STK32B: variants seen among roughly 807,000 people sequenced by gnomAD.
STK32B encodes serine/threonine-protein kinase 32B.
A neutral mutation model predicts 52.6 loss-of-function variants in STK32B; 43 were observed. The observed-to-expected ratio is 0.82, with a 90% CI of 0.64 to 1.05. The LOEUF is 1.05. Among genes scored for constraint, STK32B ranks in the 50% least tolerant of loss-of-function variants. The pLI is 0.00. For synonymous variants in STK32B, 238 were observed against 204.3 expected, an observed-to-expected ratio of 1.17 and a Z score of -1.41; for missense variants, 621 against 534.6, an observed-to-expected ratio of 1.16 and a Z score of -1.59.
the STK32B span, among the ~76,000 whole-genome samples, chr4:5,036,373 C>T: frequency 2.6e-5 from 4 of 152,146 alleles, no homozygotes; most frequent in Non-Finnish European, 5.9e-5. Flanking sequence ...TCATCATCCT[C>T]GACACAGCAG....
intron 10 of STK32B, 132 bp downstream of exon 10, chr4:5,466,966 A>G (rs1184012029): frequency 2.0e-5 from 24 of 1,197,980 alleles, no homozygotes; most frequent in Non-Finnish European, 2.7e-5. Context: ...TGCAGTAAAT[A>G]AAATGCTACT....
Position 5,168,398 on chromosome 4 carries a change from C to T in STK32B, c.208C>T (p.Arg70Trp), listed in dbSNP as rs371890370. 3.9e-5 allele frequency: 63 copies of T among 1,613,838 alleles called. No individual in the cohort carries two copies. In the Middle Eastern group the frequency reaches 5.0e-4, roughly 13 times the overall value. Reference protein sequence around the residue: ...IERDEVRNVFRELQIMQGLEH... With the variant: ...IERDEVRNVFWELQIMQGLEH... ...GAGGGATGAGGTTCGGAATGTTTTCCGGGAGCTGCAGATCATGCAAGGGCT... is the reference window on the plus strand; with the variant it reads ...GAGGGATGAGGTTCGGAATGTTTTCTGGGAGCTGCAGATCATGCAAGGGCT... The change falls in exon 3 of 12, where the codon CGG becomes TGG. Residue 70 changes from arginine to tryptophan, a missense_variant. By Grantham distance (101) the Arg-to-Trp change is moderately radical. Coordinates refer to ENST00000282908, the MANE Select transcript of STK32B (RefSeq NM_018401.3).
At chr4:5,102,476 CCTTCCTTCCT>C (rs1713848400) in intron 1 of STK32B, among the ~76,000 whole-genome samples, 2 of 134,516 alleles carry the variant, frequency 1.5e-5, no homozygotes, top group Non-Finnish European at 3.2e-5. Flanking sequence ...TTCCTTCCTT[CCTTCCTTCCT>C]TCCTTCCCTC....
chr4:5,312,183 C>T (rs1392989469), intron 3 of STK32B, among the ~76,000 whole-genome samples: 1 of 150,762 alleles, frequency 6.6e-6, no homozygotes, highest in Admixed American at 6.6e-5. Context: ...CTCAAGAAAT[C>T]TTTGCCATCC....
intron 4 of STK32B, among the ~76,000 whole-genome samples, chr4:5,374,773 C>CG (rs35953395): frequency 2.2e-3 from 284 of 127,158 alleles, no homozygotes; most frequent in African/African-American, 4.7e-3. Context: ...TGAATATTGA[C>CG]GGGGGCGGGG....
chr4:5,446,546 A>T, intron 6 of STK32B, 127 bp from the exon 7 acceptor site: 6 of 767,154 alleles, frequency 7.8e-6, no homozygotes, highest in South Asian at 1.8e-5. Context: ...AGCAGAGCAA[A>T]ACTCTATCTC....
chr4:5,421,022 C>T (rs534741691), intron 6 of STK32B, among the ~76,000 whole-genome samples: 3 of 152,320 alleles, frequency 2.0e-5, no homozygotes, highest in Admixed American at 2.0e-4. Context: ...GCCTCAGCCT[C>T]CCAAGTAGCT....
chr4:5,420,604 G>A (rs1007450392), intron 6 of STK32B, among the ~76,000 whole-genome samples: 7 of 152,176 alleles, frequency 4.6e-5, no homozygotes, highest in Non-Finnish European at 1.0e-4. Flanking sequence ...CTGAGATGCA[G>A]CACAGCCATG....
chr4:5,332,531 A>G (rs1732334822), intron 4 of STK32B, among the ~76,000 whole-genome samples: 1 of 152,092 alleles, frequency 6.6e-6, no homozygotes. Flanking sequence ...GTTTTAGGGT[A>G]CATTTGCACA....
chr4:5,494,224 G>C (rs942262386), intron 11 of STK32B, among the ~76,000 whole-genome samples: 1 of 152,128 alleles, frequency 6.6e-6, no homozygotes, highest in Non-Finnish European at 1.5e-5. Context: ...AAGTATCTTT[G>C]TGGGTCACTC....
intron 3 of STK32B, among the ~76,000 whole-genome samples, chr4:5,318,256 A>G (rs1731249822): frequency 6.6e-6 from 1 of 152,164 alleles, no homozygotes. Flanking sequence ...GGGCTTAGAA[A>G]AAATTTTAGG....
At chr4:5,415,503 C>A (rs1712085588) in intron 5 of STK32B, among the ~76,000 whole-genome samples, 1 of 152,168 alleles carries the variant, frequency 6.6e-6, no homozygotes, top group South Asian at 2.1e-4. Flanking sequence ...ATCGCAGCCA[C>A]AGGGAGGGGC....
chr4:5,035,248 A>C, the STK32B span, among the ~76,000 whole-genome samples: 1 of 152,252 alleles, frequency 6.6e-6, no homozygotes, highest in Non-Finnish European at 1.5e-5. Flanking sequence ...CTGCATGTAC[A>C]TTCATTGAAG....
At chr4:5,299,268 A>T (rs67647916) in intron 3 of STK32B, among the ~76,000 whole-genome samples, 20,889 of 151,788 alleles carry the variant, frequency 0.14, 2,878 homozygotes, top group African/African-American at 0.36. Context: ...CCTTCTTTTT[A>T]TCTTTTTTTA....
chr4:5,020,232 T>C, the STK32B span, among the ~76,000 whole-genome samples: 1 of 152,202 alleles, frequency 6.6e-6, no homozygotes, highest in African/African-American at 2.4e-5. Context: ...GGTAAAGGTC[T>C]AGGCTCTCCA....
At chr4:5,263,290 G>T (rs1726849178) in intron 3 of STK32B, among the ~76,000 whole-genome samples, 1 of 133,384 alleles carries the variant, frequency 7.5e-6, no homozygotes, top group Admixed American at 7.1e-5. Flanking sequence ...GTAGCATCCG[G>T]GTGTGTCTGA....
Position 5,292,478 on chromosome 4 carries a change from T to G in STK32B, c.261-38742T>G, listed in dbSNP as rs146916876. Among the ~76,000 whole-genome samples, 473 of 152,228 alleles carry G rather than the reference T, an allele frequency of 3.1e-3. 1 individual carries two copies. Among genetic ancestry groups the G allele is most frequent in the African/African-American group, 0.011 (445 of 41,548 alleles). ...GTCTATTCATTTCCTTTTCCCACTTTTTAATGGGGCTGTTTTTTTTCTTGT... is the reference window on the plus strand; with the variant it reads ...GTCTATTCATTTCCTTTTCCCACTTGTTAATGGGGCTGTTTTTTTTCTTGT... On this transcript the variant is annotated intron_variant, in intron 3 of 11. Transcript: ENST00000282908.
At chr4:5,087,484 C>T (rs1712795815) in intron 1 of STK32B, among the ~76,000 whole-genome samples, 1 of 151,682 alleles carries the variant, frequency 6.6e-6, no homozygotes, top group East Asian at 1.9e-4. Context: ...ATTAAACTCT[C>T]CAATTAAAAG....
Position 5,242,929 on chromosome 4 carries a change from T to C in STK32B, c.260+74479T>C, listed in dbSNP as rs546218973. Among the ~76,000 whole-genome samples, 3 of 152,340 alleles carry C rather than the reference T, an allele frequency of 2.0e-5. No homozygotes were observed. In the South Asian group the frequency reaches 6.2e-4, roughly 32 times the overall value. ...TTCTGAGGCCTCTGTTGTGTTCCATTGATCTATATCTCTGTTTTGGTACCA... is the reference window on the plus strand; with the variant it reads ...TTCTGAGGCCTCTGTTGTGTTCCATCGATCTATATCTCTGTTTTGGTACCA... On this transcript the variant is annotated intron_variant, in intron 3 of 11. Coordinates refer to ENST00000282908, the MANE Select transcript of STK32B (RefSeq NM_018401.3).
Sources: allele counts gnomAD v4.1 joint callset (sites outside exome capture counted in the v4.1 genomes callset), GRCh38; gene constraint gnomAD v4.1.1; transcripts MANE v1.5; gene names NCBI Gene and HGNC (gene_info 2026-07-23, HGNC 2026-07-21).